CYP4F22: variants seen among roughly 807,000 people sequenced by gnomAD.
The protein encoded by CYP4F22 is ultra-long-chain fatty acid omega-hydroxylase.
CYP4F22 carries 37 observed loss-of-function variants against 60.4 expected under a neutral mutation model. The ratio of observed to expected loss-of-function variants is 0.61; its 90% confidence interval spans 0.47 to 0.81. The LOEUF is 0.81. Ranked by LOEUF, CYP4F22 falls within the 30% of genes least tolerant of loss-of-function variation. The pLI is 0.00. For missense variants in CYP4F22, 655 were observed against 715.0 expected (o/e 0.92, Z 0.96); for synonymous variants, 258 against 280.5 (o/e 0.92, Z 0.80).
At chr19:15,525,594 C>T in intron 3 of CYP4F22, 36 bp downstream of exon 3, 2 of 1,590,628 alleles carry the variant, frequency 1.3e-6, no homozygotes, top group Non-Finnish European at 1.7e-6. Flanking sequence ...CTGGGCTGGG[C>T]TGGGCATGTG....
intron 4 of CYP4F22, among the ~76,000 whole-genome samples, chr19:15,535,045 C>T (rs192413572): frequency 6.6e-6 from 1 of 152,270 alleles, no homozygotes; most frequent in East Asian, 1.9e-4. Context: ...CAGCTATTGA[C>T]CAGATCCTGG....
intron 1 of CYP4F22, among the ~76,000 whole-genome samples, chr19:15,523,029 A>G (rs995557638): frequency 6.6e-6 from 1 of 151,288 alleles, no homozygotes; most frequent in African/African-American, 2.4e-5. Context: ...TCACTTCTGC[A>G]TGGAAAATGT....
At chr19:15,527,106 T>G (rs1971291375) in intron 3 of CYP4F22, among the ~76,000 whole-genome samples, 1 of 152,128 alleles carries the variant, frequency 6.6e-6, no homozygotes, top group Admixed American at 6.5e-5. Flanking sequence ...CTTCCATCCC[T>G]TACCCCTGCT....
At chr19:15,515,937 A>T (rs1362478511) in intron 1 of CYP4F22, 1 of 152,004 alleles carries the variant, frequency 6.6e-6, no homozygotes, top group East Asian at 2.0e-4. Context: ...GTTAGCCAGG[A>T]TGGTCTTGAT....
chr19:15,509,900 C>CTTTCTTTCTTTCTTTCTTT (rs1555725970), intron 1 of CYP4F22, among the ~76,000 whole-genome samples: 66 of 87,864 alleles, frequency 7.5e-4, no homozygotes, highest in Non-Finnish European at 1.2e-3. Context: ...TTCCTTCCTT[C>CTTTCTTTCTTTCTTTCTTT]CTTCCTTTCT....
At chr19:15,518,666 A>G (rs887925888) in intron 1 of CYP4F22, among the ~76,000 whole-genome samples, 7 of 148,654 alleles carry the variant, frequency 4.7e-5, no homozygotes, top group East Asian at 1.9e-4. Flanking sequence ...AAAAAAAAAA[A>G]AAAGAAACAA....
At chr19:15,537,102 C>T (rs1210930052) in intron 4 of CYP4F22, among the ~76,000 whole-genome samples, 1 of 152,070 alleles carries the variant, frequency 6.6e-6, no homozygotes, top group South Asian at 2.1e-4. Flanking sequence ...AGTTCGAGAC[C>T]AGCCTGGCCA....
At position 15,537,674 on chromosome 19, in the gene CYP4F22, G is replaced by A. The variant is rs1450862711; in HGVS notation, c.549+12G>A. 1.3e-5 allele frequency: 21 copies of A among 1,610,872 alleles called. No homozygotes were observed. The highest frequency in any genetic ancestry group is 1.8e-5 in the Non-Finnish European group (21 of 1,180,038). Reference sequence around the variant, plus strand: ...CTGACATTATGCATGTGAGTCCTAAGGCTTTGAGGGAAGAGGGTGTCTTGG... The same window carrying A: ...CTGACATTATGCATGTGAGTCCTAAAGCTTTGAGGGAAGAGGGTGTCTTGG... On this transcript the variant is annotated intron_variant, in intron 6 of 13. Coordinates refer to ENST00000269703, the MANE Select transcript of CYP4F22 (RefSeq NM_173483.4).
chr19:15,546,740 T>C (rs949051190), intron 10 of CYP4F22, among the ~76,000 whole-genome samples: 1 of 152,072 alleles, frequency 6.6e-6, no homozygotes, highest in African/African-American at 2.4e-5. Flanking sequence ...TTCTTTCTTT[T>C]TTCTTTTTTT....
intron 3 of CYP4F22, among the ~76,000 whole-genome samples, chr19:15,529,426 G>A (rs1971317931): frequency 6.6e-6 from 1 of 152,092 alleles, no homozygotes; most frequent in Admixed American, 6.6e-5. Flanking sequence ...ACTACACTTG[G>A]CTACTATTTT....
At chr19:15,551,168 G>T in intron 13 of CYP4F22, 126 bp from the exon 14 acceptor site, 1 of 1,236,186 alleles carries the variant, frequency 8.1e-7, no homozygotes, top group Non-Finnish European at 1.2e-6. Context: ...CTCACCCAGC[G>T]TGGGGTTTCA....
Position 15,517,187 on chromosome 19 carries a change from A to C in CYP4F22, c.-108-6506A>C, listed in dbSNP as rs531885294. Among the ~76,000 whole-genome samples the C allele has an allele frequency of 2.0e-5, 3 of 152,186 alleles. No homozygotes were observed. The South Asian group carries it at 6.2e-4, about 32-fold the overall frequency. ...TTTTTTTTTGTGGGTGCCAGACAGA[A>C]GTGTTCTTGTTTGAGGGACAGGAGG... is the stretch of plus-strand genomic sequence containing the variant. On this transcript the variant is annotated intron_variant, in intron 1 of 13. Transcript: ENST00000269703.
rs1323141197 is a variant in CYP4F22 at position 15,509,904 on chromosome 19, C to CCTTCCTTTCCTTCCTT, written c.-109+1324_-109+1325insCCTTTCCTTCCTTCTT. On this transcript the variant is annotated intron_variant, in intron 1 of 13. Coordinates refer to ENST00000269703, the MANE Select transcript of CYP4F22 (RefSeq NM_173483.4). Reference sequence around the variant, plus strand: ...TCCTTCCTTCCTTCCTTCCTTCCTTCCTTTCTTTCTTTCCTTCCTTCTTTC... The same window carrying CCTTCCTTTCCTTCCTT: ...TCCTTCCTTCCTTCCTTCCTTCCTTCCTTCCTTTCCTTCCTTCTTTCTTTCTTTCCTTCCTTCTTTC... Among the ~76,000 whole-genome samples the CCTTCCTTTCCTTCCTT allele has an allele frequency of 1.5e-4, 13 of 86,780 alleles. 1 individual carries two copies. The highest frequency in any genetic ancestry group is 1.4e-3 in the South Asian group (3 of 2,222). 56.9% of individuals were successfully genotyped at this position (86,780 alleles called of 152,430 possible). A position where few individuals can be genotyped will look rare whatever the true frequency, so the allele number is the denominator to read the frequency against.
At position 15,551,430 on chromosome 19, in the gene CYP4F22, G is replaced by C. The variant is rs1226429065; in HGVS notation, c.1555G>C (p.Gly519Arg). The change falls in exon 14 of 14, where the codon GGG becomes CGG. Residue 519 changes from glycine (G) to arginine (R), a missense_variant. Transcript: ENST00000269703. The part of the protein sequence containing the change: ...KPELILRTEN[G>R]LWLKVEPLPP... The stretch of plus-strand genomic sequence containing the variant: ...GGAGCTCATACTGCGCACGGAGAAC[G>C]GGCTCTGGCTCAAGGTGGAGCCGCT... The C allele has an allele frequency of 3.2e-6, 5 of 1,586,344 alleles. No homozygotes were observed. Among genetic ancestry groups the C allele is most frequent in the Non-Finnish European group, 4.3e-6 (5 of 1,166,864 alleles).
chr19:15,510,425 C>G (rs2144490519), intron 1 of CYP4F22, among the ~76,000 whole-genome samples: 1 of 152,156 alleles, frequency 6.6e-6, no homozygotes, highest in African/African-American at 2.4e-5. Context: ...GATTGCAGCC[C>G]CATGAGGTGG....
chr19:15,533,379 A>T (rs530082550), intron 4 of CYP4F22, among the ~76,000 whole-genome samples: 3,338 of 151,862 alleles, frequency 0.022, 119 homozygotes, highest in African/African-American at 0.077. Flanking sequence ...TCATAAAAAA[A>T]CTCTGTACCC....
intron 10 of CYP4F22, among the ~76,000 whole-genome samples, chr19:15,547,018 G>GTTTGTTTTTTTT (rs557172090): frequency 2.4e-5 from 2 of 82,330 alleles, no homozygotes; most frequent in Non-Finnish European, 4.1e-5. Flanking sequence ...GCCTGCACCA[G>GTTTGTTTTTTTT]TTTTTTTTTT....
At chr19:15,547,161 C>CT (rs1971536746) in intron 10 of CYP4F22, among the ~76,000 whole-genome samples, 1 of 151,454 alleles carries the variant, frequency 6.6e-6, no homozygotes, top group Non-Finnish European at 1.5e-5. Context: ...GTAGCTGAGA[C>CT]TACAGGTGCA....
intron 1 of CYP4F22, among the ~76,000 whole-genome samples, chr19:15,508,906 C>T (rs972998445): frequency 1.3e-4 from 19 of 151,890 alleles, no homozygotes; most frequent in African/African-American, 4.1e-4. Context: ...CAGGGGGCCT[C>T]CAAAAGACCC....
Sources: allele counts gnomAD v4.1 joint callset (sites outside exome capture counted in the v4.1 genomes callset), GRCh38; gene constraint gnomAD v4.1.1; transcripts MANE v1.5; gene names NCBI Gene and HGNC (gene_info 2026-07-23, HGNC 2026-07-21).